LRP2: variants seen among roughly 807,000 people sequenced by gnomAD.
The protein encoded by LRP2 is LDL receptor related protein 2.
A neutral mutation model predicts 531.0 loss-of-function variants in LRP2; 172 were observed. The ratio of observed to expected loss-of-function variants is 0.32; its 90% confidence interval spans 0.29 to 0.37. LRP2 has a LOEUF of 0.37. LRP2 is among the 10% of genes least tolerant of loss of function. The pLI is 1.00. For synonymous variants in LRP2, 1,992 were observed against 2,027.6 expected, an observed-to-expected ratio of 0.98 and a Z score of 0.47; for missense variants, 5,167 against 5,868.3, an observed-to-expected ratio of 0.88 and a Z score of 3.90.
At chr2:169,309,887 T>G (rs1245539108) in intron 3 of LRP2, among the ~76,000 whole-genome samples, 1 of 152,218 alleles carries the variant, frequency 6.6e-6, no homozygotes, top group African/African-American at 2.4e-5. Context: ...GTTTGTGTCC[T>G]CTTTTATTTC....
At chr2:169,154,352 T>A in intron 66 of LRP2, 108 bp downstream of exon 66, 1 of 1,045,616 alleles carries the variant, frequency 9.6e-7, no homozygotes, top group Non-Finnish European at 1.5e-6. Flanking sequence ...CCTCCTCCAC[T>A]AATGCAACAA....
intron 23 of LRP2, 80 bp downstream of exon 23, chr2:169,243,323 T>G (rs1689880922): frequency 1.9e-6 from 3 of 1,547,782 alleles, no homozygotes; most frequent in Non-Finnish European, 2.7e-6. Flanking sequence ...TGTGTGATGT[T>G]CCCCTCCCTG....
Position 169,176,473 on chromosome 2 carries a change from A to G in LRP2, c.10509T>C (p.Ser3503=), listed in dbSNP as rs780114965. 1 of 1,614,168 alleles carries G rather than the reference A, an allele frequency of 6.2e-7. No homozygotes were observed. Among genetic ancestry groups the G allele is most frequent in the South Asian group, 1.1e-5 (1 of 91,080 alleles). The change falls in exon 54 of 79, where the codon AGT becomes AGC. Residue 3503 remains serine, a synonymous_variant. Transcript: ENST00000649046. ...CPDDFRTLQL[S]GSTYCMPMCS... is the part of the protein sequence containing the mutation. ...ACATGGGCATGCAGTAGGTGCTGCC[A>G]CTCAGCTGAAGGGTGCGGAAGTCAT...
chr2:169,308,315 C>A (rs1280874146), intron 3 of LRP2, among the ~76,000 whole-genome samples: 1 of 151,988 alleles, frequency 6.6e-6, no homozygotes, highest in African/African-American at 2.4e-5. Flanking sequence ...TGTTGGTGTG[C>A]TGCCCCCATT....
chr2:169,357,708 C>G (rs1479545732), intron 1 of LRP2, among the ~76,000 whole-genome samples: 2 of 152,158 alleles, frequency 1.3e-5, no homozygotes, highest in Non-Finnish European at 2.9e-5. Context: ...TGACAATGCA[C>G]TTGCTTCTGA....
intron 27 of LRP2, 139 bp downstream of exon 27, chr2:169,237,952 C>T (rs1209711391): frequency 1.3e-5 from 10 of 748,678 alleles, no homozygotes; most frequent in Non-Finnish European, 2.2e-5. Context: ...ACACGCAAGT[C>T]TCTTGGGTAT....
chr2:169,139,195 G>A, intron 74 of LRP2, 56 bp downstream of exon 74: 1 of 1,611,534 alleles, frequency 6.2e-7, no homozygotes, highest in Non-Finnish European at 8.5e-7. Flanking sequence ...CCTTCACATG[G>A]CTTCATATGA....
chr2:169,139,662 C>T, intron 72 of LRP2, 52 bp from the exon 73 acceptor site: 1 of 1,485,350 alleles, frequency 6.7e-7, no homozygotes, highest in Non-Finnish European at 9.4e-7. Context: ...TAGGCTTCTA[C>T]TGCATTTTTC....
intron 16 of LRP2, among the ~76,000 whole-genome samples, chr2:169,267,971 T>G (rs1181716453): frequency 6.6e-6 from 1 of 152,140 alleles, no homozygotes; most frequent in Non-Finnish European, 1.5e-5. Flanking sequence ...GAGAATACTG[T>G]AAATACCTCT....
At chr2:169,165,900 C>T (rs548846416) in intron 62 of LRP2, 32 bp downstream of exon 62, 1 of 1,613,400 alleles carries the variant, frequency 6.2e-7, no homozygotes, top group East Asian at 2.2e-5. Context: ...GGGGTCCTTC[C>T]TTTTTCCTTC....
Position 169,194,873 on chromosome 2 carries a change from G to A in LRP2, c.8699-981C>T, listed in dbSNP as rs142003092. 4.0e-3 allele frequency among the ~76,000 whole-genome samples: 604 copies of A among 151,996 alleles called. 6 individuals are homozygous for A. Among genetic ancestry groups the A allele is most frequent in the Middle Eastern group, 0.014 (4 of 294 alleles). On this transcript the variant is annotated intron_variant, in intron 46 of 78. Coordinates refer to ENST00000649046, the MANE Select transcript of LRP2 (RefSeq NM_004525.3). ...ATTACAGGCGTGTGCCACCGCGCCC[G>A]GCTAATTCTTGTGTTTTTAGTAGAG...
At position 169,174,913 on chromosome 2, in the gene LRP2, T is replaced by C. The variant is rs571463947; in HGVS notation, c.10768+280A>G. ...GAAACCTCTCGTTTCCTCCTCAATG[T>C]TAGCTCTCAAAGGGGATTCAATGCC... On this transcript the variant is annotated intron_variant, in intron 55 of 78. Transcript: ENST00000649046. Among the ~76,000 whole-genome samples, 347 of 150,614 alleles carry C rather than the reference T, an allele frequency of 2.3e-3. 1 individual carries two copies. Among genetic ancestry groups the C allele is most frequent in the Non-Finnish European group, 3.8e-3 (260 of 67,816 alleles).
intron 70 of LRP2, 43 bp downstream of exon 70, chr2:169,145,704 T>C (rs1447261392): frequency 6.3e-7 from 1 of 1,580,654 alleles, no homozygotes; most frequent in Non-Finnish European, 8.7e-7. Context: ...GAAATAAGAT[T>C]TCCAAGTAAT....
rs550268288 is a variant in LRP2 at position 169,314,397 on chromosome 2, T to C, written c.310+4365A>G. Among the ~76,000 whole-genome samples the C allele has an allele frequency of 7.3e-5, 11 of 150,068 alleles. 1 individual carries two copies. The East Asian group carries it at 1.2e-3, about 16-fold the overall frequency. On this transcript the variant is annotated intron_variant, in intron 3 of 78. Transcript: ENST00000649046. ...ATAATCATGCCACTGCACTCCAGCC[T>C]GGGCAGCAAAGCAAGACCCCTGTCT...
chr2:169,271,275 GA>G (rs1457550596), intron 15 of LRP2, among the ~76,000 whole-genome samples, 168 bp from the exon 16 acceptor site: 1 of 151,830 alleles, frequency 6.6e-6, no homozygotes, highest in East Asian at 1.9e-4. Flanking sequence ...ATACAGGGAA[GA>G]AAAAAAGATA....
intron 33 of LRP2, among the ~76,000 whole-genome samples, chr2:169,222,956 A>G (rs1357421239): frequency 6.6e-6 from 1 of 152,160 alleles, no homozygotes; most frequent in Non-Finnish European, 1.5e-5. Context: ...CTAGCACTTT[A>G]TATTCACCGG....
At chr2:169,337,774 A>C (rs1036320800) in intron 1 of LRP2, among the ~76,000 whole-genome samples, 2 of 152,198 alleles carry the variant, frequency 1.3e-5, no homozygotes, top group African/African-American at 4.8e-5. Context: ...ACATATATGC[A>C]CACAAGACAG....
chr2:169,235,354 C>T (rs1440343441), intron 29 of LRP2, among the ~76,000 whole-genome samples: 1 of 151,818 alleles, frequency 6.6e-6, no homozygotes, highest in African/African-American at 2.4e-5. Flanking sequence ...ATTTTCCTGT[C>T]TCAGCTTCCC....
intron 3 of LRP2, among the ~76,000 whole-genome samples, chr2:169,311,628 T>C (rs1483515838): frequency 2.0e-5 from 3 of 152,236 alleles, no homozygotes; most frequent in Non-Finnish European, 4.4e-5. Flanking sequence ...AACTATGTGG[T>C]CAATATTGAA....
Sources: allele counts gnomAD v4.1 joint callset (sites outside exome capture counted in the v4.1 genomes callset), GRCh38; gene constraint gnomAD v4.1.1; transcripts MANE v1.5; gene names NCBI Gene and HGNC (gene_info 2026-07-23, HGNC 2026-07-21).